The following FAT3 variants were observed in gnomAD, a reference collection of about 807,000 sequenced individuals.
The protein encoded by FAT3 is FAT atypical cadherin 3.
FAT3 carries 95 observed loss-of-function variants against 310.2 expected under a neutral mutation model. The observed-to-expected ratio is 0.31, with a 90% CI of 0.26 to 0.36. The LOEUF is 0.36. FAT3 is among the 10% of genes least tolerant of loss of function. The probability of loss-of-function intolerance (pLI) is 1.00; values close to 1 mark genes in which losing one functional copy is unlikely to be tolerated. For synonymous variants in FAT3, 2,314 were observed against 2,192.9 expected, an observed-to-expected ratio of 1.06 and a Z score of -1.54; for missense variants, 5,408 against 5,715.6, an observed-to-expected ratio of 0.95 and a Z score of 1.74.
At chr11:92,803,614 A>G (rs1209558418) in intron 10 of FAT3, among the ~76,000 whole-genome samples, 1 of 152,214 alleles carries the variant, frequency 6.6e-6, no homozygotes, top group Admixed American at 6.5e-5. Context: ...GGGCCAGATC[A>G]TTCTTTGCTG....
At chr11:92,427,196 T>A (rs1950654459) in intron 2 of FAT3, among the ~76,000 whole-genome samples, 1 of 152,160 alleles carries the variant, frequency 6.6e-6, no homozygotes, top group African/African-American at 2.4e-5. Flanking sequence ...CATATAGGAA[T>A]GCTTGTGATT....
chr11:92,589,202 T>C (rs765917141), intron 3 of FAT3, among the ~76,000 whole-genome samples: 1 of 152,100 alleles, frequency 6.6e-6, no homozygotes, highest in Non-Finnish European at 1.5e-5. Flanking sequence ...GACTTTTACA[T>C]TGGAAGTGAC....
intron 13 of FAT3, among the ~76,000 whole-genome samples, chr11:92,821,713 C>A (rs947854888): frequency 2.6e-5 from 4 of 152,148 alleles, no homozygotes; most frequent in African/African-American, 9.7e-5. Flanking sequence ...GATGCTCCCA[C>A]CTATAGATGG....
chr11:92,441,834 A>G (rs1030007045), intron 2 of FAT3, among the ~76,000 whole-genome samples: 5 of 151,890 alleles, frequency 3.3e-5, no homozygotes, highest in African/African-American at 1.2e-4. Context: ...GCTCCTAGGG[A>G]TGGGTCTTAC....
At chr11:92,872,552 A>T (rs563255853) in intron 22 of FAT3, among the ~76,000 whole-genome samples, 2 of 152,360 alleles carry the variant, frequency 1.3e-5, no homozygotes, top group Non-Finnish European at 2.9e-5. Flanking sequence ...ACCTTGGAAA[A>T]AAACCTCATG....
chr11:92,577,899 G>T (rs902379200), intron 3 of FAT3, among the ~76,000 whole-genome samples: 7 of 151,994 alleles, frequency 4.6e-5, no homozygotes, highest in Non-Finnish European at 8.8e-5. Context: ...AAGGGAGAGA[G>T]AGATTGAGAT....
Position 92,789,949 on chromosome 11 carries a change from A to T in FAT3, c.4342A>T (p.Ile1448Phe). 6.2e-7 allele frequency: 1 copy of T among 1,613,394 alleles called. No homozygotes were observed. The highest frequency in any genetic ancestry group is 8.5e-7 in the Non-Finnish European group (1 of 1,179,444). The change falls in exon 8 of 28, where the codon ATC (isoleucine) becomes TTC (phenylalanine). Residue 1448 changes from isoleucine (I) to phenylalanine (F), a missense_variant. This residue lies in a region of FAT3 where 4,588 missense variants were observed against 4,809.8 expected (regional missense o/e 0.95). Coordinates refer to ENST00000525166, the MANE Select transcript of FAT3 (RefSeq NM_001367949.2). ...TTTCTTCTTTTAACTACAGGTATTT[A>T]TCAAAGTGCTGGATAATAATGATAA... is the stretch of plus-strand genomic sequence containing the variant. The part of the protein sequence containing the change: ...GTNVAVTQVF[I>F]KVLDNNDNGP...
intron 3 of FAT3, among the ~76,000 whole-genome samples, chr11:92,694,961 G>C (rs1012519564): frequency 6.6e-6 from 1 of 152,158 alleles, no homozygotes; most frequent in Non-Finnish European, 1.5e-5. Flanking sequence ...TGTCAGATAT[G>C]TGTGTTAGAC....
intron 3 of FAT3, among the ~76,000 whole-genome samples, chr11:92,598,231 T>TATATA (rs1555095779): frequency 0.022 from 1,582 of 71,072 alleles, 44 homozygotes; most frequent in East Asian, 0.19. Context: ...TATATATATA[T>TATATA]TTTTTTTTTT....
intron 3 of FAT3, among the ~76,000 whole-genome samples, chr11:92,608,464 A>G (rs1169043093): frequency 6.6e-6 from 1 of 152,020 alleles, no homozygotes; most frequent in African/African-American, 2.4e-5. Flanking sequence ...AAATGGAAAA[A>G]CCTGCTTGGG....
At chr11:92,249,142 G>GT (rs1865041485) in intron 1 of FAT3, among the ~76,000 whole-genome samples, 1 of 152,092 alleles carries the variant, frequency 6.6e-6, no homozygotes, top group African/African-American at 2.4e-5. Flanking sequence ...TTAAAAGTAA[G>GT]TTAAAGTACC....
At chr11:92,673,271 A>G (rs1591592789) in intron 3 of FAT3, among the ~76,000 whole-genome samples, 1 of 152,180 alleles carries the variant, frequency 6.6e-6, no homozygotes, top group East Asian at 1.9e-4. Context: ...CATTTTTCTA[A>G]GTGTCATTTT....
chr11:92,252,910 T>A (rs1865187592), intron 1 of FAT3, among the ~76,000 whole-genome samples: 1 of 152,122 alleles, frequency 6.6e-6, no homozygotes, highest in African/African-American at 2.4e-5. Context: ...CATCTCTTCA[T>A]CAGGCCCCCA....
intron 2 of FAT3, among the ~76,000 whole-genome samples, chr11:92,465,238 A>C (rs896490267): frequency 2.0e-5 from 3 of 152,204 alleles, no homozygotes; most frequent in Non-Finnish European, 4.4e-5. Flanking sequence ...ATGGAATTGC[A>C]TTTTAAATGT....
intron 4 of FAT3, among the ~76,000 whole-genome samples, chr11:92,721,148 A>G (rs1209145682): frequency 6.6e-6 from 1 of 152,202 alleles, no homozygotes; most frequent in Non-Finnish European, 1.5e-5. Context: ...TGTGTCCAAT[A>G]GCATGTTTGT....
chr11:92,880,161 A>G (rs1210440828), intron 22 of FAT3, among the ~76,000 whole-genome samples: 3 of 151,294 alleles, frequency 2.0e-5, no homozygotes, highest in Non-Finnish European at 2.9e-5. Flanking sequence ...AAAAATCAGG[A>G]TCGGACCAGG....
intron 1 of FAT3, among the ~76,000 whole-genome samples, chr11:92,274,607 G>T (rs1458404568): frequency 6.6e-6 from 1 of 151,926 alleles, no homozygotes; most frequent in Non-Finnish European, 1.5e-5. Context: ...AAACATCTTG[G>T]CCGAGAGTGT....
At chr11:92,639,852 G>A (rs1375347324) in intron 3 of FAT3, among the ~76,000 whole-genome samples, 1 of 152,134 alleles carries the variant, frequency 6.6e-6, no homozygotes, top group Non-Finnish European at 1.5e-5. Flanking sequence ...TTCTGCAGTG[G>A]AAATATAATT....
At chr11:92,746,882 T>C (rs1565560995) in intron 4 of FAT3, among the ~76,000 whole-genome samples, 1 of 152,232 alleles carries the variant, frequency 6.6e-6, no homozygotes, top group Non-Finnish European at 1.5e-5. Flanking sequence ...CAGGTCATGC[T>C]GATACAAGAG....
Sources: allele counts gnomAD v4.1 joint callset (sites outside exome capture counted in the v4.1 genomes callset), GRCh38; gene constraint gnomAD v4.1.1; regional missense constraint gnomAD v4.1.1; transcripts MANE v1.5; gene names NCBI Gene and HGNC (gene_info 2026-07-23, HGNC 2026-07-21).